The following LINGO2 variants were observed in gnomAD, a reference collection of about 807,000 sequenced individuals.
LINGO2 encodes the protein leucine rich repeat and Ig domain containing 2, also known as leucine-rich repeat and immunoglobulin-like domain-containing nogo receptor-interacting protein 2.
Under a neutral mutation model 30.6 loss-of-function variants are expected in LINGO2, and 14 were observed. The observed-to-expected ratio is 0.46, with a 90% CI of 0.30 to 0.72. LINGO2 has a LOEUF of 0.72. Among genes scored for constraint, LINGO2 ranks in the 30% least tolerant of loss-of-function variants. The probability of loss-of-function intolerance (pLI) is 0.07; values close to 1 mark genes in which losing one functional copy is unlikely to be tolerated. For synonymous variants in LINGO2, 317 were observed against 288.5 expected, an observed-to-expected ratio of 1.10 and a Z score of -1.00; for missense variants, 729 against 751.7, an observed-to-expected ratio of 0.97 and a Z score of 0.35.
At chr9:28,436,737 A>G (rs897935420) in intron 2 of LINGO2, among the ~76,000 whole-genome samples, 59 of 152,268 alleles carry the variant, frequency 3.9e-4, no homozygotes, top group East Asian at 7.7e-4. Context: ...GATTACAGGC[A>G]TAAGCCACCG....
the LINGO2 span, among the ~76,000 whole-genome samples, chr9:29,052,895 T>A: frequency 6.6e-6 from 1 of 152,054 alleles, no homozygotes; most frequent in African/African-American, 2.4e-5. Flanking sequence ...AGCAGAAAAA[T>A]CCTTAAAGAA....
chr9:28,383,945 C>T (rs1212193067), intron 2 of LINGO2, among the ~76,000 whole-genome samples: 1 of 151,850 alleles, frequency 6.6e-6, no homozygotes, highest in Non-Finnish European at 1.5e-5. Flanking sequence ...TGATCTTATG[C>T]TAATACAGAA....
chr9:28,072,452 G>C (rs1312140126), intron 4 of LINGO2, among the ~76,000 whole-genome samples: 1 of 152,146 alleles, frequency 6.6e-6, no homozygotes, highest in Non-Finnish European at 1.5e-5. Flanking sequence ...AGCTTACTTG[G>C]TGAAATGACA....
chr9:28,869,198 G>C, the LINGO2 span, among the ~76,000 whole-genome samples: 1 of 152,040 alleles, frequency 6.6e-6, no homozygotes, highest in African/African-American at 2.4e-5. Flanking sequence ...AGACATTGAA[G>C]AATCAAAGGG....
chr9:29,191,630 C>T, the LINGO2 span, among the ~76,000 whole-genome samples: 1 of 152,058 alleles, frequency 6.6e-6, no homozygotes, highest in African/African-American at 2.4e-5. Context: ...AAACACGAAA[C>T]ATTCTGGGGT....
At chr9:28,991,334 G>A in the LINGO2 span, among the ~76,000 whole-genome samples, 1,276 of 151,368 alleles carry the variant, frequency 8.4e-3, 22 homozygotes, top group African/African-American at 0.029. Flanking sequence ...AAAAAGAAAC[G>A]AACAAAGCCT....
chr9:27,989,221 G>T (rs1039248926), intron 5 of LINGO2, among the ~76,000 whole-genome samples: 1 of 151,910 alleles, frequency 6.6e-6, no homozygotes, highest in African/African-American at 2.4e-5. Context: ...TCAAGGGTCT[G>T]CTCATCATCC....
the LINGO2 span, among the ~76,000 whole-genome samples, chr9:28,881,739 C>T: frequency 6.6e-6 from 1 of 151,952 alleles, no homozygotes; most frequent in Non-Finnish European, 1.5e-5. Context: ...CAGATCATCC[C>T]ATTACCTAGG....
intron 3 of LINGO2, among the ~76,000 whole-genome samples, chr9:28,339,002 G>A (rs1016323071): frequency 6.6e-6 from 1 of 152,044 alleles, no homozygotes; most frequent in Non-Finnish European, 1.5e-5. Context: ...CCAAGAGAAT[G>A]ATACTCCCAA....
At chr9:28,927,139 G>A in the LINGO2 span, among the ~76,000 whole-genome samples, 2 of 152,266 alleles carry the variant, frequency 1.3e-5, no homozygotes, top group African/African-American at 4.8e-5. Context: ...ATATCATCAG[G>A]TATAAAAAGT....
chr9:28,451,314 G>T (rs563319094), intron 2 of LINGO2, among the ~76,000 whole-genome samples: 159 of 151,944 alleles, frequency 1.0e-3, no homozygotes, highest in African/African-American at 3.7e-3. Context: ...GGAAAAGAGA[G>T]AAGAGAAATG....
the LINGO2 span, among the ~76,000 whole-genome samples, chr9:29,032,699 A>C: frequency 6.6e-6 from 1 of 152,126 alleles, no homozygotes; most frequent in African/African-American, 2.4e-5. Context: ...GTAGACCAAA[A>C]ATGATTAACA....
intron 1 of LINGO2, among the ~76,000 whole-genome samples, chr9:28,581,755 T>C (rs984819945): frequency 4.6e-5 from 7 of 151,912 alleles, no homozygotes; most frequent in African/African-American, 1.7e-4. Context: ...TAATTTCAAC[T>C]GATCAATGGT....
intron 5 of LINGO2, among the ~76,000 whole-genome samples, chr9:27,977,744 A>T (rs1286529836): frequency 3.3e-5 from 5 of 151,800 alleles, no homozygotes; most frequent in Non-Finnish European, 2.9e-5. Flanking sequence ...TCACTACCCA[A>T]TGCTGTCTGA....
chr9:29,174,007 T>C, the LINGO2 span, among the ~76,000 whole-genome samples: 1 of 152,028 alleles, frequency 6.6e-6, no homozygotes, highest in East Asian at 1.9e-4. Context: ...AAAACAAATA[T>C]ACAAAGGATT....
chr9:29,077,812 G>A, the LINGO2 span, among the ~76,000 whole-genome samples: 3 of 151,312 alleles, frequency 2.0e-5, no homozygotes, highest in Non-Finnish European at 3.0e-5. Flanking sequence ...CAGGCACACA[G>A]AATTATTTAA....
chr9:28,219,904 T>C (rs1820897348), intron 4 of LINGO2, among the ~76,000 whole-genome samples: 1 of 152,190 alleles, frequency 6.6e-6, no homozygotes, highest in African/African-American at 2.4e-5. Flanking sequence ...ATGAGATCTA[T>C]ATATGCTGAT....
intron 2 of LINGO2, among the ~76,000 whole-genome samples, chr9:28,413,977 T>C (rs1321542937): frequency 1.3e-5 from 2 of 148,472 alleles, no homozygotes; most frequent in African/African-American, 5.0e-5. Flanking sequence ...CCCATATTAA[T>C]AGCATTTCTT....
the LINGO2 span, among the ~76,000 whole-genome samples, chr9:28,900,070 C>G: frequency 3.5e-4 from 54 of 152,306 alleles, no homozygotes; most frequent in African/African-American, 1.2e-3. Context: ...GATACAGGCT[C>G]CAGGCTGGTC....
Sources: gnomAD v4.1 joint callset for allele counts (sites outside exome capture counted in the v4.1 genomes callset) on GRCh38, gnomAD v4.1.1 for gene constraint, MANE v1.5 for transcripts, NCBI Gene and HGNC (gene_info 2026-07-23, HGNC 2026-07-21) for gene names.